STC2: variants seen among roughly 807,000 people sequenced by gnomAD.
STC2 encodes stanniocalcin 2.
A neutral mutation model predicts 22.7 loss-of-function variants in STC2; 7 were observed. The ratio of observed to expected loss-of-function variants is 0.31; its 90% confidence interval spans 0.18 to 0.58. STC2 has a LOEUF of 0.58. Among genes scored for constraint, STC2 ranks in the 20% least tolerant of loss-of-function variants. The pLI is 0.89. For synonymous variants in STC2, 158 were observed against 163.4 expected (o/e 0.97, Z 0.25); for missense variants, 336 against 406.2 (o/e 0.83, Z 1.48).
At position 173,325,138 on chromosome 5, in the gene STC2, AG is replaced by A. The variant is rs1292725140; in HGVS notation, c.294+729del. Among the ~76,000 whole-genome samples the A allele has an allele frequency of 1.3e-5, 2 of 152,238 alleles. No individual in the cohort carries two copies. Among genetic ancestry groups the A allele is most frequent in the East Asian group, 3.9e-4 (2 of 5,192 alleles). On this transcript the variant is annotated intron_variant, in intron 2 of 3. Transcript: ENST00000265087. This position sits in a 1 kb window ranked among gnomAD's most constrained non-coding sequence, Gnocchi z 4.7. ...AGATATAGTAACAGGGCGTTTCAAC[AG>A]GGCATATAAGTGGCCAGGGAGAACA... is the stretch of plus-strand genomic sequence containing the variant.
chr5:173,315,347 A>G lies in STC2; in HGVS notation c.*2500T>C, dbSNP rs1346137814. The G allele has an allele frequency of 6.6e-6, 1 of 152,222 alleles. No homozygotes were observed. The highest frequency in any genetic ancestry group is 1.5e-5 in the Non-Finnish European group (1 of 68,046). The allele number at this position is 152,222 out of a possible 1,614,324, so 9.4% of individuals were successfully genotyped here. A position where few individuals can be genotyped will look rare whatever the true frequency, so the allele number is the denominator to read the frequency against. ...ATAAATACTGTTGCATGCTTCCAAT[A>G]ACGTGAGGGATGGGATAGAAATGCT... On this transcript the variant is annotated 3_prime_UTR_variant, in exon 4 of 4. Coordinates refer to ENST00000265087, the MANE Select transcript of STC2 (RefSeq NM_003714.3).
intron 1 of STC2, among the ~76,000 whole-genome samples, chr5:173,327,745 G>A (rs1051304829): frequency 6.6e-6 from 1 of 152,254 alleles, no homozygotes; most frequent in Non-Finnish European, 1.5e-5. Flanking sequence ...TTCGGGGGCG[G>A]GGGCTGGCGC....
At chr5:173,321,190 A>C (rs1762480953) in intron 3 of STC2, among the ~76,000 whole-genome samples, 2 of 151,906 alleles carry the variant, frequency 1.3e-5, no homozygotes, top group Non-Finnish European at 2.9e-5. Flanking sequence ...AGAAGGAGAC[A>C]CTAGAACGCC....
chr5:173,321,220 T>G (rs1205294606), intron 3 of STC2, among the ~76,000 whole-genome samples: 2 of 151,964 alleles, frequency 1.3e-5, no homozygotes, highest in African/African-American at 2.4e-5. Flanking sequence ...TACCTTCTTC[T>G]TAAATTAAGG....
At position 173,323,282 on chromosome 5, in the gene STC2, G is replaced by A. The variant is rs1411138299; in HGVS notation, c.443C>T (p.Ala148Val). ...ECYLKHDLCAAAQENTRVIVE... is the reference protein window; with the variant it reads ...ECYLKHDLCAVAQENTRVIVE... ...TATCACCCGGGTGTTCTCCTGGGCAGCCGCGCACAGGTCGTGCTTGAGGTA... is the reference window on the plus strand; with the variant it reads ...TATCACCCGGGTGTTCTCCTGGGCAACCGCGCACAGGTCGTGCTTGAGGTA... Residue 148 changes from alanine to valine, a missense_variant, in exon 3 of 4, where the codon GCT becomes GTT. Physicochemically the swap from Ala to Val is moderately conservative, Grantham distance 64. Around this residue, in one of 3 missense-constraint regions of STC2, gnomAD observed 215 missense variants for 231.5 expected, o/e 0.93. Transcript: ENST00000265087. This position sits in a 1 kb window ranked among gnomAD's most constrained non-coding sequence, Gnocchi z 5.4. 1.2e-6 allele frequency: 2 copies of A among 1,614,162 alleles called. No individual in the cohort carries two copies. The highest frequency in any genetic ancestry group is 1.7e-6 in the Non-Finnish European group (2 of 1,180,026).
chr5:173,327,694 G>A (rs1184825161), intron 1 of STC2, among the ~76,000 whole-genome samples: 1 of 152,260 alleles, frequency 6.6e-6, no homozygotes, highest in African/African-American at 2.4e-5. Flanking sequence ...GGCCTCCCGC[G>A]TGCCGGCCGG....
Position 173,316,230 on chromosome 5 carries a change from T to C in STC2, c.*1617A>G, listed in dbSNP as rs913894507. On this transcript the variant is annotated 3_prime_UTR_variant, in exon 4 of 4. Transcript: ENST00000265087. ...AGGGAGCCAAGCCCTCTCGTTTGTG[T>C]GTTGTCTATGGCTGCTTTTGTGCTA... 1 of 152,176 alleles carries C rather than the reference T, an allele frequency of 6.6e-6. No individual in the cohort carries two copies. The highest frequency in any genetic ancestry group is 6.5e-5 in the Admixed American group (1 of 15,280). The allele number at this position is 152,176 out of a possible 1,614,324, so 9.4% of individuals were successfully genotyped here.
intron 3 of STC2, 142 bp from the exon 4 acceptor site, chr5:173,318,391 G>C (rs1242292691): frequency 1.1e-6 from 1 of 884,582 alleles, no homozygotes; most frequent in Non-Finnish European, 1.5e-6. Flanking sequence ...GGGTTCGGTG[G>C]AAGATCTCTC....
intron 3 of STC2, among the ~76,000 whole-genome samples, chr5:173,319,334 C>T (rs990621634): frequency 2.6e-5 from 4 of 152,210 alleles, no homozygotes; most frequent in African/African-American, 7.2e-5. Flanking sequence ...TAAAACCCCC[C>T]AAGGGGGGTA....
Position 173,325,988 on chromosome 5 carries a change from G to A in STC2, c.174C>T (p.Val58=). 1.2e-6 allele frequency: 2 copies of A among 1,614,156 alleles called. No individual in the cohort carries two copies. Among genetic ancestry groups the A allele is most frequent in the Non-Finnish European group, 1.7e-6 (2 of 1,180,030 alleles). The change falls in exon 2 of 4, where the codon GTC becomes GTT. Residue 58 remains valine (V), a synonymous_variant. Coordinates refer to ENST00000265087, the MANE Select transcript of STC2 (RefSeq NM_003714.3). This position sits in a 1 kb window ranked among gnomAD's most constrained non-coding sequence, Gnocchi z 4.7. The stretch of plus-strand genomic sequence containing the variant: ...CGCCACACCCCACATCGCCAGCGTT[G>A]ACCAAACAGTGCTGGATCTCCGCTA... ...QNTAEIQHCL[V]NAGDVGCGVF... is the part of the protein sequence containing the mutation.
chr5:173,327,710 A>G (rs1173047537), intron 1 of STC2, among the ~76,000 whole-genome samples: 4 of 152,196 alleles, frequency 2.6e-5, no homozygotes, highest in African/African-American at 9.6e-5. Flanking sequence ...GCCGGGATGA[A>G]GCGCGCTTTG....
rs112916112 is a variant in STC2, at chr5:173,318,117, C to T, written c.639G>A (p.Ser213=). The stretch of plus-strand genomic sequence containing the variant: ...GCGCCGTGGGAGGCTTCTGGATGGC[C>T]GAGGTGCAGAAGCTCAAGATGGAGC... ...SLCSILSFCT[S]AIQKPPTAPP... Residue 213 remains serine, a synonymous_variant, in exon 4 of 4, where the codon TCG becomes TCA. Coordinates refer to ENST00000265087, the MANE Select transcript of STC2 (RefSeq NM_003714.3). The T allele has an allele frequency of 1.1e-5, 18 of 1,610,388 alleles. No individual in the cohort carries two copies. The highest frequency in any genetic ancestry group is 1.7e-5 in the Admixed American group (1 of 59,316).
At chr5:173,321,234 G>A (rs1029832160) in intron 3 of STC2, among the ~76,000 whole-genome samples, 2 of 152,092 alleles carry the variant, frequency 1.3e-5, no homozygotes, top group Non-Finnish European at 2.9e-5. Context: ...ATTAAGGGGA[G>A]GGGGTGGGAC....
chr5:173,318,272 G>T (rs1762449747), intron 3 of STC2, 23 bp from the exon 4 acceptor site: 2 of 1,091,468 alleles, frequency 1.8e-6, no homozygotes, highest in East Asian at 6.2e-5. Context: ...AGCAAAGAGA[G>T]AGAGAGAGAG....
chr5:173,323,345 G>A lies in STC2; in HGVS notation c.380C>T (p.Ala127Val). ...RFGCISRKCP[A>V]IREMVSQLQR... ...CAACTGGGACACCATTTCCCTGATG[G>A]CCGGGCACTTCCGGCTTATGCAGCC... Residue 127 changes from alanine (A) to valine (V), a missense_variant, in exon 3 of 4, where the codon GCC becomes GTC. Physicochemically the swap from Ala to Val is moderately conservative, Grantham distance 64. Coordinates refer to ENST00000265087, the MANE Select transcript of STC2 (RefSeq NM_003714.3). This position sits in a 1 kb window ranked among gnomAD's most constrained non-coding sequence, Gnocchi z 5.4. The A allele has an allele frequency of 6.2e-7, 1 of 1,614,210 alleles. No homozygotes were observed. The highest frequency in any genetic ancestry group is 1.1e-5 in the South Asian group (1 of 91,080).
intron 3 of STC2, 46 bp from the exon 4 acceptor site, chr5:173,318,295 A>G: frequency 1.5e-6 from 2 of 1,298,464 alleles, no homozygotes; most frequent in South Asian, 2.4e-5. Flanking sequence ...AGAGAGAGAG[A>G]GAGAGGCTGG....
intron 1 of STC2, 142 bp from the exon 2 acceptor site, chr5:173,326,152 A>G (rs1762543969): frequency 4.4e-6 from 4 of 903,830 alleles, no homozygotes; most frequent in Non-Finnish European, 6.4e-6. Context: ...TTCAGGACCT[A>G]AAAAGCCTGG....
At chr5:173,324,230 A>G (rs1762519597) in intron 2 of STC2, 1 of 152,376 alleles carries the variant, frequency 6.6e-6, no homozygotes, top group Non-Finnish European at 1.5e-5. Context: ...GATTGTGCTT[A>G]TCCTAGAAAG....
intron 3 of STC2, among the ~76,000 whole-genome samples, chr5:173,321,806 A>G (rs1762489393): frequency 6.6e-6 from 1 of 150,810 alleles, no homozygotes; most frequent in Admixed American, 6.7e-5. Flanking sequence ...ACCATTAGAA[A>G]AAAAATTAAA....
Sources: gnomAD v4.1 joint callset for allele counts (sites outside exome capture counted in the v4.1 genomes callset) on GRCh38, gnomAD v4.1.1 for gene constraint, gnomAD v4.1.1 regional missense constraint, Gnocchi (gnomAD v3.1) non-coding constraint, MANE v1.5 for transcripts, NCBI Gene and HGNC (gene_info 2026-07-23, HGNC 2026-07-21) for gene names.